The following F10 variants were observed in gnomAD, a reference collection of about 807,000 sequenced individuals.
The protein encoded by F10 is coagulation factor X.
In F10, 29 loss-of-function variants were observed where a neutral mutation model predicts 37.1. The observed-to-expected ratio is 0.78, with a 90% CI of 0.58 to 1.07. The LOEUF (loss-of-function observed/expected upper bound fraction) is 1.07. F10 is among the 50% of genes least tolerant of loss of function. The probability of loss-of-function intolerance (pLI) is 0.00; values close to 1 mark genes in which losing one functional copy is unlikely to be tolerated. For synonymous variants in F10, 262 were observed against 268.6 expected (o/e 0.98, Z 0.24); for missense variants, 539 against 667.9 (o/e 0.81, Z 2.13).
At position 113,149,412 on chromosome 13, in the gene F10, G is replaced by A. The variant is rs1317197309; in HGVS notation, c.1362G>A (p.Lys454=). 1 of 1,613,212 alleles carries A rather than the reference G, an allele frequency of 6.2e-7. No individual in the cohort carries two copies. The highest frequency in any genetic ancestry group is 8.5e-7 in the Non-Finnish European group (1 of 1,179,842). ...ARKGKYGIYT[K]VTAFLKWIDR... Reference sequence around the variant, plus strand: ...AGGGGAAGTACGGGATCTACACCAAGGTCACCGCCTTCCTCAAGTGGATCG... The same window carrying A: ...AGGGGAAGTACGGGATCTACACCAAAGTCACCGCCTTCCTCAAGTGGATCG... Residue 454 remains lysine (K), a synonymous_variant, in exon 8 of 8, where the codon AAG becomes AAA. Transcript: ENST00000375559. This position sits in a 1 kb window ranked among gnomAD's most constrained non-coding sequence, Gnocchi z 7.5.
chr13:113,129,824 A>C (rs1232621111), intron 2 of F10, among the ~76,000 whole-genome samples: 1 of 152,232 alleles, frequency 6.6e-6, no homozygotes, highest in African/African-American at 2.4e-5. Flanking sequence ...CTTCCCGGCG[A>C]GGACTCAGCG....
chr13:113,124,805 C>T (rs1198875882), intron 1 of F10, among the ~76,000 whole-genome samples: 1 of 152,254 alleles, frequency 6.6e-6, no homozygotes, highest in East Asian at 1.9e-4. Flanking sequence ...TCTCCCACAG[C>T]TCTGGAGGCT....
At chr13:113,125,946 C>T (rs1215475394) in intron 1 of F10, among the ~76,000 whole-genome samples, 2 of 151,206 alleles carry the variant, frequency 1.3e-5, no homozygotes, top group African/African-American at 4.9e-5. Context: ...GGGGCAACGT[C>T]AGAGGGCGTG....
chr13:113,142,480 G>A lies in F10; in HGVS notation c.503-1371G>A, dbSNP rs924442339. Among the ~76,000 whole-genome samples the A allele has an allele frequency of 1.1e-4, 16 of 145,206 alleles. 2 individuals are homozygous for A. Among genetic ancestry groups the A allele is most frequent in the Non-Finnish European group, 2.3e-4 (15 of 64,792 alleles). On this transcript the variant is annotated intron_variant, in intron 5 of 7. Coordinates refer to ENST00000375559, the MANE Select transcript of F10 (RefSeq NM_000504.4). Reference sequence around the variant, plus strand: ...CAAGAGAATGGCGTGAACCTGGAAGGCGGAGCTTGCACTGAGCACTGAGCC... The same window carrying A: ...CAAGAGAATGGCGTGAACCTGGAAGACGGAGCTTGCACTGAGCACTGAGCC...
Position 113,143,757 on chromosome 13 carries a change from C to T in F10, c.503-94C>T. ...TCCGGGTGCCCCTGCGCTCTGCCTCCCGGCTCTCTGACTCTTCTCCCTCAG... is the reference window on the plus strand; with the variant it reads ...TCCGGGTGCCCCTGCGCTCTGCCTCTCGGCTCTCTGACTCTTCTCCCTCAG... On this transcript the variant is annotated intron_variant, in intron 5 of 7. Transcript: ENST00000375559. This position sits in a 1 kb window ranked among gnomAD's most constrained non-coding sequence, Gnocchi z 6.8. 1.9e-6 allele frequency: 3 copies of T among 1,584,208 alleles called. No individual in the cohort carries two copies. The highest frequency in any genetic ancestry group is 2.2e-5 in the South Asian group (2 of 89,780).
intron 6 of F10, among the ~76,000 whole-genome samples, chr13:113,147,073 G>T (rs113630815): frequency 2.0e-5 from 3 of 152,200 alleles, no homozygotes; most frequent in Non-Finnish European, 4.4e-5. Flanking sequence ...CACAGAGACG[G>T]GAAAGGCTGC....
rs1375102814 is a variant in F10, at chr13:113,143,837, C to T, written c.503-14C>T. 6.2e-7 allele frequency: 1 copy of T among 1,611,446 alleles called. No individual in the cohort carries two copies. Among genetic ancestry groups the T allele is most frequent in the East Asian group, 2.2e-5 (1 of 44,866 alleles). On this transcript the variant is annotated splice_polypyrimidine_tract_variant and intron_variant, in intron 5 of 7. Coordinates refer to ENST00000375559, the MANE Select transcript of F10 (RefSeq NM_000504.4). The surrounding 1 kb of genome is among the most constrained non-coding windows in gnomAD (Gnocchi z 6.8). ...TCTCTGTGCTGAAGGCCCCGGCCGT[C>T]CTCTTTCTTTCAGGGCCCTACCCCT... is the stretch of plus-strand genomic sequence containing the variant.
chr13:113,139,364 C>G lies in F10; in HGVS notation c.264C>G (p.Asp88Glu). 2.5e-6 allele frequency: 4 copies of G among 1,613,746 alleles called. No homozygotes were observed. The South Asian group carries it at 4.4e-5, about 18-fold the overall frequency. The change falls in exon 4 of 8, where the codon GAC becomes GAG. Residue 88 changes from aspartate to glutamate, a missense_variant. Coordinates refer to ENST00000375559, the MANE Select transcript of F10 (RefSeq NM_000504.4). The surrounding 1 kb of genome is among the most constrained non-coding windows in gnomAD (Gnocchi z 5.2). The part of the protein sequence containing the change: ...NEFWNKYKDG[D>E]QCETSPCQNQ... ...GAAATCCTCTCTTTGCAGATGGCGA[C>G]CAGTGTGAGACCAGTCCTTGCCAGA...
chr13:113,127,350 G>C (rs2036380045), intron 1 of F10, among the ~76,000 whole-genome samples: 1 of 152,208 alleles, frequency 6.6e-6, no homozygotes, highest in Admixed American at 6.5e-5. Context: ...ATGGAGCTCA[G>C]GACAAAAGTC....
intron 4 of F10, among the ~76,000 whole-genome samples, chr13:113,140,194 C>T (rs895810012): frequency 5.3e-5 from 8 of 151,742 alleles, no homozygotes; most frequent in Admixed American, 3.9e-4. Context: ...CTGCCTCAGC[C>T]TCCCAAGTAG....
intron 1 of F10, among the ~76,000 whole-genome samples, chr13:113,126,471 C>T (rs1299111650): frequency 1.3e-5 from 2 of 152,106 alleles, no homozygotes; most frequent in Non-Finnish European, 2.9e-5. Flanking sequence ...CACAGAACAG[C>T]GAGTTCCTCT....
intron 1 of F10, among the ~76,000 whole-genome samples, chr13:113,125,069 CTAAA>C (rs1489400592): frequency 6.6e-6 from 1 of 152,256 alleles, no homozygotes; most frequent in Non-Finnish European, 1.5e-5. Flanking sequence ...GTCTTCCTAA[CTAAA>C]TACATCACAA....
At chr13:113,128,318 T>A (rs1477152458) in intron 1 of F10, 3 of 152,312 alleles carry the variant, frequency 2.0e-5, no homozygotes, top group East Asian at 1.9e-4. Flanking sequence ...AAGCATAAGT[T>A]GTACACTGGT....
chr13:113,144,077 C>T lies in F10; in HGVS notation c.729C>T (p.Asp243=), dbSNP rs768291458. Residue 243 remains aspartate, a synonymous_variant, in exon 6 of 8, where the codon GAC becomes GAT. Transcript: ENST00000375559. The surrounding 1 kb of genome is among the most constrained non-coding windows in gnomAD (Gnocchi z 6.4). ...TCGTGGGAGGCCAGGAATGCAAGGA[C>T]GGGGAGTGTCCCTGGCAGGTAACAG... ...TRIVGGQECK[D]GECPWQALLI... is the part of the protein sequence containing the mutation. The T allele has an allele frequency of 6.8e-6, 11 of 1,613,772 alleles. No individual in the cohort carries two copies. Among genetic ancestry groups the T allele is most frequent in the Middle Eastern group, 1.6e-4 (1 of 6,084 alleles).
chr13:113,144,782 C>T lies in F10; in HGVS notation c.747+687C>T, dbSNP rs946646802. Among the ~76,000 whole-genome samples the T allele has an allele frequency of 7.9e-5, 12 of 152,132 alleles. No individual in the cohort carries two copies. The highest frequency in any genetic ancestry group is 1.0e-4 in the Non-Finnish European group (7 of 68,036). The stretch of plus-strand genomic sequence containing the variant: ...AGGCTGGAGTGCAGTGTCGCGATCT[C>T]GGCTCACTGCAACCTCCACCTCCTG... On this transcript the variant is annotated intron_variant, in intron 6 of 7. Transcript: ENST00000375559. This position sits in a 1 kb window ranked among gnomAD's most constrained non-coding sequence, Gnocchi z 6.4.
In F10 at chr13:113,129,516, TG is replaced by T; in HGVS notation, c.136del (p.Glu46LysfsTer3). On this transcript the variant is annotated frameshift_variant, in exon 2 of 8. Coordinates refer to ENST00000375559, the MANE Select transcript of F10 (RefSeq NM_000504.4). LOFTEE classifies it high-confidence loss of function. ...GGGTCACGAGGGCCAATTCCTTTCT[TG>T]AAGAGATGAAGAAAGGACACCTCGA... is the stretch of plus-strand genomic sequence containing the variant. ...ARVTRANSFL[E>X]EMKKGHLERE... The T allele has an allele frequency of 6.2e-7, 1 of 1,614,000 alleles. No individual in the cohort carries two copies. Among genetic ancestry groups the T allele is most frequent in the Non-Finnish European group, 8.5e-7 (1 of 1,179,988 alleles).
intron 5 of F10, among the ~76,000 whole-genome samples, chr13:113,142,149 A>G (rs2036534347): frequency 6.6e-6 from 1 of 152,240 alleles, no homozygotes; most frequent in East Asian, 1.9e-4. Flanking sequence ...TGGCAATGAC[A>G]TTCAAGCTTA....
chr13:113,129,230 G>A (rs907928172), intron 1 of F10, among the ~76,000 whole-genome samples: 1 of 152,182 alleles, frequency 6.6e-6, no homozygotes, highest in African/African-American at 2.4e-5. Context: ...TTCCCCTCAT[G>A]GCCTCAACTA....
In F10 at chr13:113,149,010, C is replaced by T. The variant is rs765016282; in HGVS notation, c.960C>T (p.Asp320=). ...KHNRFTKETY[D]FDIAVLRLKT... is the part of the protein sequence containing the mutation. ...ACCGGTTCACAAAGGAGACCTATGA[C>T]TTCGACATCGCCGTGCTCCGGCTCA... Residue 320 remains aspartate (D), a synonymous_variant, in exon 8 of 8, where the codon GAC becomes GAT. Transcript: ENST00000375559. This position sits in a 1 kb window ranked among gnomAD's most constrained non-coding sequence, Gnocchi z 7.5. 12 of 1,613,580 alleles carry T rather than the reference C, an allele frequency of 7.4e-6. No homozygotes were observed. The South Asian group carries it at 9.9e-5, about 13-fold the overall frequency.
Sources: allele counts gnomAD v4.1 joint callset (sites outside exome capture counted in the v4.1 genomes callset), GRCh38; gene constraint gnomAD v4.1.1; non-coding constraint Gnocchi (gnomAD v3.1); transcripts MANE v1.5; gene names NCBI Gene and HGNC (gene_info 2026-07-23, HGNC 2026-07-21).